Variants in COL5A2 observed in about 807,000 individuals in gnomAD.
The protein encoded by COL5A2 is collagen alpha-2(V) chain.
In COL5A2, 23 loss-of-function variants were observed where a neutral mutation model predicts 208.2. That is an observed-to-expected ratio of 0.11 (90% CI 0.08 to 0.16). COL5A2 has a LOEUF of 0.16. Among genes scored for constraint, COL5A2 ranks in the 10% least tolerant of loss-of-function variants. The probability of loss-of-function intolerance (pLI) is 1.00; values close to 1 mark genes in which losing one functional copy is unlikely to be tolerated. For synonymous variants in COL5A2, 625 were observed against 628.5 expected, an observed-to-expected ratio of 0.99 and a Z score of 0.08; for missense variants, 1,590 against 1,956.4, an observed-to-expected ratio of 0.81 and a Z score of 3.53.
chr2:189,190,544 A>G (rs1484024302), intron 1 of COL5A2, among the ~76,000 whole-genome samples: 1 of 152,204 alleles, frequency 6.6e-6, no homozygotes, highest in Non-Finnish European at 1.5e-5. Flanking sequence ...ATGACTTGTA[A>G]TCAATTTCTA....
At chr2:189,066,289 C>T in intron 23 of COL5A2, 101 bp downstream of exon 23, 2 of 1,121,852 alleles carry the variant, frequency 1.8e-6, no homozygotes, top group Non-Finnish European at 2.7e-6. Flanking sequence ...AGGGAACCTG[C>T]AAGCATTTCT....
At chr2:189,375,838 TAAC>T in the COL5A2 span, among the ~76,000 whole-genome samples, 1 of 152,244 alleles carries the variant, frequency 6.6e-6, no homozygotes, top group Non-Finnish European at 1.5e-5. Flanking sequence ...ATTAGCATGT[TAAC>T]AAAGTTCCAA....
rs554167303 is a variant in COL5A2, at chr2:189,210,130, G to A, written c.-42+15018C>T. ...TAAGCAACAAAATGAAGACATGAGG[G>A]ATGAAACAAAATGTATGTGGCATGA... On this transcript the variant is annotated intron_variant, in intron 1 of 10. Coordinates refer to the COL5A2 transcript ENST00000649966. Among the ~76,000 whole-genome samples the A allele has an allele frequency of 2.0e-5, 3 of 152,156 alleles. No individual in the cohort carries two copies. The South Asian group carries it at 6.2e-4, about 32-fold the overall frequency.
chr2:189,309,934 T>C, the COL5A2 span, among the ~76,000 whole-genome samples: 1 of 152,206 alleles, frequency 6.6e-6, no homozygotes, highest in Non-Finnish European at 1.5e-5. Context: ...CTTAGTTACA[T>C]GGCCCCATGT....
intron 1 of COL5A2, among the ~76,000 whole-genome samples, chr2:189,151,017 T>C (rs1202604658): frequency 6.6e-6 from 1 of 152,154 alleles, no homozygotes; most frequent in Non-Finnish European, 1.5e-5. Flanking sequence ...CAGTAGTCTG[T>C]AACGTAATTT....
At chr2:189,058,563 C>A (rs768099206) in intron 32 of COL5A2, 36 bp from the exon 33 acceptor site, 1 of 1,543,186 alleles carries the variant, frequency 6.5e-7, no homozygotes, top group African/African-American at 1.4e-5. Flanking sequence ...AATCTCAATA[C>A]TTGATCTAAA....
rs60925874 is a variant in COL5A2, at chr2:189,196,823, A to G, written c.-42+28325T>C. Among the ~76,000 whole-genome samples the G allele has an allele frequency of 2.3e-3, 356 of 152,298 alleles. 3 individuals are homozygous for G. Among genetic ancestry groups the G allele is most frequent in the African/African-American group, 8.2e-3 (341 of 41,576 alleles). ...TAGATGCTAGTGACACTGTGGATAA[A>G]TAGGAACACTTTTACACTCTTGGTG... On this transcript the variant is annotated intron_variant, in intron 1 of 10. Transcript: ENST00000649966.
the COL5A2 span, among the ~76,000 whole-genome samples, chr2:189,361,096 T>C: frequency 1.3e-5 from 2 of 152,114 alleles, no homozygotes; most frequent in African/African-American, 4.8e-5. Context: ...ATGGAATGTT[T>C]TGTAAATGTC....
At chr2:189,258,884 G>C in the COL5A2 span, among the ~76,000 whole-genome samples, 538 of 152,168 alleles carry the variant, frequency 3.5e-3, 3 homozygotes, top group African/African-American at 0.012. Context: ...GCACCCAGGA[G>C]AAACAGGTGT....
intron 6 of COL5A2, chr2:189,096,027 GA>G (rs1189997625): frequency 6.6e-6 from 1 of 152,022 alleles, no homozygotes; most frequent in Admixed American, 6.5e-5. Flanking sequence ...CCCCGTTTAA[GA>G]AAAAGTACTG....
chr2:189,278,570 T>C, the COL5A2 span, among the ~76,000 whole-genome samples: 1 of 152,016 alleles, frequency 6.6e-6, no homozygotes, highest in African/African-American at 2.4e-5. Context: ...TTATAAAGAG[T>C]CTAACATTAG....
At chr2:189,370,823 A>T in the COL5A2 span, among the ~76,000 whole-genome samples, 1 of 152,150 alleles carries the variant, frequency 6.6e-6, no homozygotes, top group Non-Finnish European at 1.5e-5. Context: ...AGGAACAGAA[A>T]CATTAATGGA....
chr2:189,039,246 G>C, intron 51 of COL5A2, 26 bp downstream of exon 51: 1 of 1,612,688 alleles, frequency 6.2e-7, no homozygotes, highest in East Asian at 2.2e-5. Context: ...AACGGGTTTT[G>C]CTCAAATGGG....
intron 6 of COL5A2, among the ~76,000 whole-genome samples, chr2:189,093,363 A>G (rs558449087): frequency 6.6e-6 from 1 of 152,314 alleles, no homozygotes; most frequent in South Asian, 2.1e-4. Context: ...AAATATGGTA[A>G]ATGAAGTTTA....
intron 1 of COL5A2, among the ~76,000 whole-genome samples, chr2:189,177,909 T>C (rs1245743448): frequency 2.6e-5 from 4 of 152,246 alleles, no homozygotes; most frequent in Non-Finnish European, 5.9e-5. Flanking sequence ...AAGTACTTTA[T>C]TCATTTTAAC....
intron 1 of COL5A2, among the ~76,000 whole-genome samples, chr2:189,154,604 T>C (rs895518879): frequency 6.6e-6 from 1 of 152,192 alleles, no homozygotes; most frequent in Non-Finnish European, 1.5e-5. Flanking sequence ...GCAGAATCAA[T>C]GGCCTCTGTG....
the COL5A2 span, among the ~76,000 whole-genome samples, chr2:189,308,102 G>T: frequency 6.6e-6 from 1 of 151,904 alleles, no homozygotes. Flanking sequence ...ACAGATTTGG[G>T]CAATAAACTG....
At chr2:189,356,876 C>T in the COL5A2 span, among the ~76,000 whole-genome samples, 5,549 of 152,282 alleles carry the variant, frequency 0.036, 116 homozygotes, top group Admixed American at 0.05. Context: ...GTGGATTTAT[C>T]TACCTTTGGT....
intron 1 of COL5A2, among the ~76,000 whole-genome samples, chr2:189,191,358 A>G (rs868416568): frequency 1.2e-4 from 19 of 152,182 alleles, no homozygotes; most frequent in Middle Eastern, 3.4e-3. Flanking sequence ...TAACTGCAAT[A>G]GGCCGGGTAC....
Sources: gnomAD v4.1 joint callset for allele counts (sites outside exome capture counted in the v4.1 genomes callset) on GRCh38, gnomAD v4.1.1 for gene constraint, MANE v1.5 for transcripts, NCBI Gene and HGNC (gene_info 2026-07-23, HGNC 2026-07-21) for gene names.